The following WIPF1 variants were observed in gnomAD, a reference collection of about 807,000 sequenced individuals.
WIPF1 encodes the protein WAS/WASL-interacting protein family member 1.
Under a neutral mutation model 35.4 loss-of-function variants are expected in WIPF1, and 13 were observed. That is an observed-to-expected ratio of 0.37 (90% CI 0.24 to 0.58). The LOEUF is 0.58. WIPF1 is among the 20% of genes least tolerant of loss of function. The pLI is 0.74. For missense variants in WIPF1, 591 were observed against 667.0 expected (o/e 0.89, Z 1.25); for synonymous variants, 267 against 266.3 (o/e 1.00, Z -0.02).
intron 1 of WIPF1, among the ~76,000 whole-genome samples, chr2:174,661,689 A>T (rs546721750): frequency 1.9e-3 from 292 of 152,254 alleles, no homozygotes; most frequent in Non-Finnish European, 3.5e-3. Context: ...CCCCTGTAGA[A>T]CATAAACTCC....
chr2:174,606,654 A>G (rs1166102657), intron 1 of WIPF1, among the ~76,000 whole-genome samples: 2 of 152,196 alleles, frequency 1.3e-5, no homozygotes, highest in Admixed American at 1.3e-4. Flanking sequence ...TCTTAGGAAG[A>G]GTTTATTCTG....
chr2:174,645,458 T>C (rs758055761), intron 1 of WIPF1, among the ~76,000 whole-genome samples: 1 of 152,222 alleles, frequency 6.6e-6, no homozygotes, highest in Non-Finnish European at 1.5e-5. Flanking sequence ...TGGTCTGTGC[T>C]TTACAATGTA....
chr2:174,569,604 GA>G, intron 5 of WIPF1, among the ~76,000 whole-genome samples: 1 of 152,200 alleles, frequency 6.6e-6, no homozygotes, highest in East Asian at 1.9e-4. Context: ...AGGCACAATA[GA>G]AAAGAAAACA....
At position 174,560,946 on chromosome 2, in the gene WIPF1, T is replaced by G. The variant is rs995852436; in HGVS notation, c.*1601A>C. On this transcript the variant is annotated 3_prime_UTR_variant, in exon 8 of 8. Coordinates refer to ENST00000679041, the MANE Select transcript of WIPF1 (RefSeq NM_001375834.1). ...ATAACATACTGAAACCATGATACAA[T>G]GTTTAGGTAGATATACATATACATA... 1 of 152,608 alleles carries G rather than the reference T, an allele frequency of 6.6e-6. No individual in the cohort carries two copies. The highest frequency in any genetic ancestry group is 2.4e-5 in the African/African-American group (1 of 41,430). 9.5% of individuals were successfully genotyped at this position (152,608 alleles called of 1,614,324 possible). A position where few individuals can be genotyped will look rare whatever the true frequency, so the allele number is the denominator to read the frequency against.
chr2:174,592,821 G>A (rs998095748), intron 1 of WIPF1, among the ~76,000 whole-genome samples: 12 of 152,008 alleles, frequency 7.9e-5, no homozygotes, highest in Admixed American at 2.0e-4. Flanking sequence ...GGCCAGGCTG[G>A]TCTTGAACTC....
intron 1 of WIPF1, among the ~76,000 whole-genome samples, chr2:174,662,034 T>C (rs929729034): frequency 2.6e-5 from 4 of 152,182 alleles, no homozygotes; most frequent in African/African-American, 4.8e-5. Flanking sequence ...TTGCCCCAAG[T>C]TGACAGAGTC....
intron 1 of WIPF1, chr2:174,634,538 G>A (rs1396162102): frequency 1.3e-5 from 2 of 152,248 alleles, no homozygotes; most frequent in African/African-American, 2.4e-5. Flanking sequence ...TTAATCTGCT[G>A]AAAACAACCA....
At chr2:174,602,091 G>C (rs1386071607), upstream of WIPF1, among the ~76,000 whole-genome samples, 1 of 152,200 alleles carries the variant, frequency 6.6e-6, no homozygotes, top group Non-Finnish European at 1.5e-5. Context: ...TGGACTTAAA[G>C]AGAATTTTAA....
At chr2:174,608,264 C>T (rs1481138147) in intron 1 of WIPF1, among the ~76,000 whole-genome samples, 1 of 152,310 alleles carries the variant, frequency 6.6e-6, no homozygotes, top group East Asian at 1.9e-4. Flanking sequence ...ATAACGGCTT[C>T]ACGTACTCAT....
intron 3 of WIPF1, among the ~76,000 whole-genome samples, chr2:174,578,745 A>T (rs1685145148): frequency 6.6e-6 from 1 of 152,210 alleles, no homozygotes; most frequent in South Asian, 2.1e-4. Context: ...TGCTTATGGT[A>T]GCTCTGCTGT....
chr2:174,567,890 C>T lies in WIPF1; in HGVS notation c.1313G>A (p.Arg438Lys), dbSNP rs12052997. ...PPPPPPSTSI[R>K]NGFQDSPCED... ...ACATGGAGAGTCTTGGAAGCCATTT[C>T]TAATAGATGTTGATGGTGGAGGTGG... The change falls in exon 6 of 8, where the codon AGA (arginine) becomes AAA (lysine). Residue 438 changes from arginine (R) to lysine (K), a missense_variant. By Grantham distance (26) the Arg-to-Lys change is conservative. Coordinates refer to ENST00000679041, the MANE Select transcript of WIPF1 (RefSeq NM_001375834.1). 6.2e-7 allele frequency: 1 copy of T among 1,607,412 alleles called. No individual in the cohort carries two copies.
At chr2:174,592,555 CT>C (rs1363850273) in intron 1 of WIPF1, among the ~76,000 whole-genome samples, 1 of 151,528 alleles carries the variant, frequency 6.6e-6, no homozygotes, top group South Asian at 2.1e-4. Context: ...AAAAATCCAA[CT>C]GCTCTCTTGC....
chr2:174,620,758 G>A (rs1483741209), intron 1 of WIPF1, among the ~76,000 whole-genome samples: 1 of 152,164 alleles, frequency 6.6e-6, no homozygotes, highest in Non-Finnish European at 1.5e-5. Context: ...GGGCAGTAAC[G>A]GGGTGCACAT....
chr2:174,598,114 C>G (rs1685878980), upstream of WIPF1: 1 of 152,128 alleles, frequency 6.6e-6, no homozygotes, highest in Non-Finnish European at 1.5e-5. Flanking sequence ...TAAATACTGA[C>G]TATTCCATTG....
intron 1 of WIPF1, among the ~76,000 whole-genome samples, chr2:174,660,659 C>T (rs1482280609): frequency 6.6e-6 from 1 of 152,078 alleles, no homozygotes; most frequent in African/African-American, 2.4e-5. Flanking sequence ...GGAGGTACTG[C>T]ACTGATGGCA....
intron 1 of WIPF1, among the ~76,000 whole-genome samples, chr2:174,670,060 G>A (rs1047473305): frequency 2.4e-4 from 37 of 152,056 alleles, no homozygotes; most frequent in African/African-American, 8.7e-4. Context: ...TCTAATCTCT[G>A]TTTCCTAATG....
chr2:174,631,804 G>A lies in WIPF1; in HGVS notation c.-38-46193C>T, dbSNP rs924089932. Among the ~76,000 whole-genome samples, 7 of 152,196 alleles carry A rather than the reference G, an allele frequency of 4.6e-5. 1 individual carries two copies. The highest frequency in any genetic ancestry group is 3.8e-4 in the East Asian group (2 of 5,202). The stretch of plus-strand genomic sequence containing the variant: ...AGTTGTAAAAGTTGCACTTATCAGA[G>A]TTTAACTTTCTTTTCCCCACTAGCA... On this transcript the variant is annotated intron_variant, in intron 1 of 8. Coordinates refer to the WIPF1 transcript ENST00000272746.
upstream of WIPF1, among the ~76,000 whole-genome samples, chr2:174,602,757 C>A (rs1204051336): frequency 6.6e-6 from 1 of 152,138 alleles, no homozygotes; most frequent in East Asian, 1.9e-4. Context: ...GTATTCTGCA[C>A]CCTGTTAATA....
At chr2:174,593,894 AATAAGCC>A (rs563035745) in intron 1 of WIPF1, among the ~76,000 whole-genome samples, 174 of 152,344 alleles carry the variant, frequency 1.1e-3, no homozygotes, top group Non-Finnish European at 2.1e-3. Flanking sequence ...TGCTCAGAGC[AATAAGCC>A]ATGGATACAA....
Sources: allele counts gnomAD v4.1 joint callset (sites outside exome capture counted in the v4.1 genomes callset), GRCh38; gene constraint gnomAD v4.1.1; transcripts MANE v1.5; gene names NCBI Gene and HGNC (gene_info 2026-07-23, HGNC 2026-07-21).